SNCB: variants seen among roughly 807,000 people sequenced by gnomAD.
SNCB encodes beta-synuclein.
Under a neutral mutation model 20.0 loss-of-function variants are expected in SNCB, and 8 were observed. That is an observed-to-expected ratio of 0.40 (90% CI 0.24 to 0.72). The LOEUF (loss-of-function observed/expected upper bound fraction) is 0.72. SNCB is among the 30% of genes least tolerant of loss of function. SNCB has a pLI of 0.37. For missense variants in SNCB, 125 were observed against 168.0 expected (o/e 0.74, Z 1.41); for synonymous variants, 56 against 65.4 (o/e 0.86, Z 0.69).
At chr5:176,623,024 T>C (rs1323756760) in intron 4 of SNCB, among the ~76,000 whole-genome samples, 1 of 152,036 alleles carries the variant, frequency 6.6e-6, no homozygotes, top group Non-Finnish European at 1.5e-5. Flanking sequence ...TGAGCCACTG[T>C]GCCCAGCCTC....
chr5:176,623,377 A>C (rs1397667482), intron 4 of SNCB, among the ~76,000 whole-genome samples: 1 of 151,946 alleles, frequency 6.6e-6, no homozygotes, highest in African/African-American at 2.4e-5. Context: ...ACAGGGCGAG[A>C]CTCCGTCTAA....
In SNCB at chr5:176,626,202, G is replaced by C. The variant is rs1176838702; in HGVS notation, c.282+196C>G. ...CCATCACCGGGAGCGTCACACCCATGCACGCCTTTATTCAGATGCATTCTG... is the reference window on the plus strand; with the variant it reads ...CCATCACCGGGAGCGTCACACCCATCCACGCCTTTATTCAGATGCATTCTG... On this transcript the variant is annotated intron_variant, in intron 4 of 5. Transcript: ENST00000393693. The surrounding 1 kb of genome is among the most constrained non-coding windows in gnomAD (Gnocchi z 4.2). Among the ~76,000 whole-genome samples, 4 of 152,154 alleles carry C rather than the reference G, an allele frequency of 2.6e-5. No homozygotes were observed. The highest frequency in any genetic ancestry group is 9.7e-5 in the African/African-American group (4 of 41,442).
chr5:176,627,657 G>A (rs1760054946), intron 2 of SNCB, among the ~76,000 whole-genome samples: 1 of 136,832 alleles, frequency 7.3e-6, no homozygotes, highest in South Asian at 2.9e-4. Context: ...ACTGAGCCCG[G>A]CGGGGGGGTG....
At position 176,627,291 on chromosome 5, in the gene SNCB, TCC is replaced by T. The variant is rs1760022098; in HGVS notation, c.122-532_122-531del. Among the ~76,000 whole-genome samples, 5 of 152,244 alleles carry T rather than the reference TCC, an allele frequency of 3.3e-5. No homozygotes were observed. The South Asian group carries it at 1.0e-3, about 32-fold the overall frequency. On this transcript the variant is annotated intron_variant, in intron 2 of 5. Transcript: ENST00000393693. ...CACAAAGCCATGTATTTTGAAAGGTTCCCCTCGTGCCCCATGCACCACTGCCC... is the reference window on the plus strand; with the variant it reads ...CACAAAGCCATGTATTTTGAAAGGTTCCTCGTGCCCCATGCACCACTGCCC...
intron 4 of SNCB, among the ~76,000 whole-genome samples, chr5:176,624,808 A>AC (rs1759832785): frequency 6.6e-6 from 1 of 151,118 alleles, no homozygotes; most frequent in African/African-American, 2.4e-5. Context: ...GTCTCAAAAA[A>AC]AAAAAAAAAC....
In SNCB at chr5:176,620,434, G is replaced by A. The variant is rs967532435; in HGVS notation, c.*377C>T. ...TCTCGAGGTTAATGGGAGTCGGGCGGGGTGCTCTGGGGCTGCCCGGGGGCC... is the reference window on the plus strand; with the variant it reads ...TCTCGAGGTTAATGGGAGTCGGGCGAGGTGCTCTGGGGCTGCCCGGGGGCC... On this transcript the variant is annotated 3_prime_UTR_variant, in exon 6 of 6. Coordinates refer to ENST00000393693, the MANE Select transcript of SNCB (RefSeq NM_003085.5). This position sits in a 1 kb window ranked among gnomAD's most constrained non-coding sequence, Gnocchi z 4.5. 3.3e-6 allele frequency: 1 copy of A among 303,060 alleles called. No homozygotes were observed. The highest frequency in any genetic ancestry group is 2.2e-5 in the African/African-American group (1 of 46,098). 18.8% of individuals were successfully genotyped at this position (303,060 alleles called of 1,614,324 possible). A position where few individuals can be genotyped will look rare whatever the true frequency, so the allele number is the denominator to read the frequency against.
chr5:176,626,321 T>G lies in SNCB; in HGVS notation c.282+77A>C. The G allele has an allele frequency of 1.9e-6, 2 of 1,043,556 alleles. No individual in the cohort carries two copies. Among genetic ancestry groups the G allele is most frequent in the South Asian group, 1.3e-5 (1 of 78,720 alleles). 64.6% of individuals were successfully genotyped at this position (1,043,556 alleles called of 1,614,324 possible). A position where few individuals can be genotyped will look rare whatever the true frequency, so the allele number is the denominator to read the frequency against. ...TAGGGGGGCGGGGATGGTGACAGGT[T>G]TATTTGTGTGCCTGGTGTGTGTGTG... On this transcript the variant is annotated intron_variant, in intron 4 of 5. Coordinates refer to ENST00000393693, the MANE Select transcript of SNCB (RefSeq NM_003085.5). This position sits in a 1 kb window ranked among gnomAD's most constrained non-coding sequence, Gnocchi z 4.2.
rs1168148100 is a variant in SNCB at position 176,621,336 on chromosome 5, C to T, written c.283-33G>A. ...CAGAAAAGGTCAGGACTCGTGAGGA[C>T]AGCCAGGATGCCCCCCAAATTCCCA... is the stretch of plus-strand genomic sequence containing the variant. On this transcript the variant is annotated intron_variant, in intron 4 of 5. Coordinates refer to ENST00000393693, the MANE Select transcript of SNCB (RefSeq NM_003085.5). The surrounding 1 kb of genome is among the most constrained non-coding windows in gnomAD (Gnocchi z 4.1). The T allele has an allele frequency of 1.3e-6, 2 of 1,568,776 alleles. No individual in the cohort carries two copies. Among genetic ancestry groups the T allele is most frequent in the Admixed American group, 1.8e-5 (1 of 56,808 alleles).
chr5:176,622,729 T>C (rs1759679351), intron 4 of SNCB, among the ~76,000 whole-genome samples: 1 of 142,512 alleles, frequency 7.0e-6, no homozygotes, highest in Non-Finnish European at 1.5e-5. Flanking sequence ...GCCTTCATGA[T>C]GACTTTTTTT....
rs773201863 is a variant in SNCB, at chr5:176,620,862, G to A, written c.373-19C>T. On this transcript the variant is annotated intron_variant, in intron 5 of 5. Transcript: ENST00000393693. The surrounding 1 kb of genome is among the most constrained non-coding windows in gnomAD (Gnocchi z 4.5). ...ATTCCTCCTGCATCACCGGGATGGG[G>A]GTGGAGTAGAGAAGAGCAAAAAGGA... 42 of 1,612,702 alleles carry A rather than the reference G, an allele frequency of 2.6e-5. No homozygotes were observed. Among genetic ancestry groups the A allele is most frequent in the Admixed American group, 3.3e-5 (2 of 60,006 alleles).
At position 176,626,840 on chromosome 5, in the gene SNCB, A is replaced by G; in HGVS notation, c.122-79T>C. On this transcript the variant is annotated intron_variant, in intron 2 of 5. Coordinates refer to ENST00000393693, the MANE Select transcript of SNCB (RefSeq NM_003085.5). The surrounding 1 kb of genome is among the most constrained non-coding windows in gnomAD (Gnocchi z 4.2). ...CTCCAGCACAGCATGGTGATTACAGAGTGGGCATCCTGGCCCCGTCACTGC... is the reference window on the plus strand; with the variant it reads ...CTCCAGCACAGCATGGTGATTACAGGGTGGGCATCCTGGCCCCGTCACTGC... The G allele has an allele frequency of 6.6e-7, 1 of 1,510,180 alleles. No individual in the cohort carries two copies. The highest frequency in any genetic ancestry group is 9.2e-7 in the Non-Finnish European group (1 of 1,085,860). 93.5% of individuals were successfully genotyped at this position (1,510,180 alleles called of 1,614,324 possible).
chr5:176,624,969 G>A (rs1469832031), intron 4 of SNCB, among the ~76,000 whole-genome samples: 1 of 152,210 alleles, frequency 6.6e-6, no homozygotes, highest in Non-Finnish European at 1.5e-5. Context: ...GTCTCCCACA[G>A]CCTGGTGGAT....
intron 4 of SNCB, among the ~76,000 whole-genome samples, chr5:176,625,959 C>G (rs1759911114): frequency 6.6e-6 from 1 of 152,196 alleles, no homozygotes; most frequent in South Asian, 2.1e-4. Context: ...ATCCTGCCTG[C>G]TGGCTTGCGT....
rs529868822 is a variant in SNCB at position 176,629,931 on chromosome 5, G to C, written c.-9-268C>G. On this transcript the variant is annotated intron_variant, in intron 1 of 5. Transcript: ENST00000393693. This position sits in a 1 kb window ranked among gnomAD's most constrained non-coding sequence, Gnocchi z 4.1. ...TGCAAACTGCAGCCCCGTCGAACCG[G>C]AGTGCTGGGTTCGGCGCGAATATCC... 3.5e-4 allele frequency: 148 copies of C among 424,502 alleles called. No individual in the cohort carries two copies. The highest frequency in any genetic ancestry group is 2.7e-3 in the African/African-American group (133 of 49,806). 26.3% of individuals were successfully genotyped at this position (424,502 alleles called of 1,614,324 possible). A position where few individuals can be genotyped will look rare whatever the true frequency, so the allele number is the denominator to read the frequency against.
chr5:176,620,841 C>T lies in SNCB; in HGVS notation c.375G>A (p.Glu125=). The T allele has an allele frequency of 6.2e-7, 1 of 1,613,876 alleles. No homozygotes were observed. The highest frequency in any genetic ancestry group is 8.5e-7 in the Non-Finnish European group (1 of 1,179,804). The stretch of plus-strand genomic sequence containing the variant: ...CCTCTGGCTCATACTCCTGATATTC[C>T]TCCTGCATCACCGGGATGGGGGTGG... The part of the protein sequence containing the change: ...EGESYEDPPQ[E]EYQEYEPEA The change falls in exon 6 of 6, where the codon GAG becomes GAA. Residue 125 remains glutamate (E), a splice_region_variant and synonymous_variant. Transcript: ENST00000393693. This position sits in a 1 kb window ranked among gnomAD's most constrained non-coding sequence, Gnocchi z 4.5.
rs779175507 is a variant in SNCB at position 176,626,390 on chromosome 5, T to A, written c.282+8A>T. 21 of 1,552,238 alleles carry A rather than the reference T, an allele frequency of 1.4e-5. No individual in the cohort carries two copies. Among genetic ancestry groups the A allele is most frequent in the Non-Finnish European group, 1.7e-5 (19 of 1,124,684 alleles). On this transcript the variant is annotated splice_region_variant and intron_variant, in intron 4 of 5. Transcript: ENST00000393693. The surrounding 1 kb of genome is among the most constrained non-coding windows in gnomAD (Gnocchi z 4.2). ...TGCCTGCATGTGCGGGTCAGAAGGA[T>A]CGCTTACCTTCAGATCAGTAGGGAA...
chr5:176,623,385 TA>T (rs930086473), intron 4 of SNCB, among the ~76,000 whole-genome samples: 1 of 150,982 alleles, frequency 6.6e-6, no homozygotes, highest in East Asian at 1.9e-4. Context: ...AGACTCCGTC[TA>T]AAAAAAAAGT....
intron 4 of SNCB, among the ~76,000 whole-genome samples, chr5:176,623,436 G>A (rs1759736812): frequency 6.6e-6 from 1 of 152,124 alleles, no homozygotes; most frequent in South Asian, 2.1e-4. Context: ...GGCAGGGCCA[G>A]GACTGAGGGG....
rs1458486117 is a variant in SNCB at position 176,621,899 on chromosome 5, G to A, written c.283-596C>T. Among the ~76,000 whole-genome samples, 2 of 152,252 alleles carry A rather than the reference G, an allele frequency of 1.3e-5. No individual in the cohort carries two copies. Among genetic ancestry groups the A allele is most frequent in the Non-Finnish European group, 2.9e-5 (2 of 68,042 alleles). On this transcript the variant is annotated intron_variant, in intron 4 of 5. Transcript: ENST00000393693. The surrounding 1 kb of genome is among the most constrained non-coding windows in gnomAD (Gnocchi z 4.1). ...GCTGCCCAGACAGGCGCAGACCAGC[G>A]GGCATGCATGTGGGCGGGCTGCCAG...
Sources: allele counts gnomAD v4.1 joint callset (sites outside exome capture counted in the v4.1 genomes callset), GRCh38; gene constraint gnomAD v4.1.1; non-coding constraint Gnocchi (gnomAD v3.1); transcripts MANE v1.5; gene names NCBI Gene and HGNC (gene_info 2026-07-23, HGNC 2026-07-21).